DPP6: variants seen among roughly 807,000 people sequenced by gnomAD.
The protein encoded by DPP6 is A-type potassium channel modulatory protein DPP6.
DPP6 carries 69 observed loss-of-function variants against 122.6 expected under a neutral mutation model. The observed-to-expected ratio is 0.56, with a 90% CI of 0.46 to 0.69. The LOEUF (loss-of-function observed/expected upper bound fraction) is 0.69, where lower values mean the gene tolerates loss of function less well. Ranked by LOEUF, DPP6 falls within the 30% of genes least tolerant of loss-of-function variation. DPP6 has a pLI of 0.00. For missense variants in DPP6, 928 were observed against 1,116.9 expected (o/e 0.83, Z 2.41); for synonymous variants, 418 against 433.1 (o/e 0.97, Z 0.43).
chr7:154,479,967 T>G (rs962516793), intron 3 of DPP6, among the ~76,000 whole-genome samples: 1 of 152,106 alleles, frequency 6.6e-6, no homozygotes, highest in African/African-American at 2.4e-5. Flanking sequence ...CCCACTGTCC[T>G]GTCAACTGGC....
intron 3 of DPP6, among the ~76,000 whole-genome samples, chr7:154,537,805 G>A (rs1257617208): frequency 6.6e-6 from 1 of 151,612 alleles, no homozygotes; most frequent in Non-Finnish European, 1.5e-5. Flanking sequence ...AGGAGAGGAA[G>A]CAAAAGTCTT....
chr7:154,342,526 C>T (rs911754955), intron 1 of DPP6, among the ~76,000 whole-genome samples: 7 of 152,214 alleles, frequency 4.6e-5, no homozygotes, highest in South Asian at 2.1e-4. Flanking sequence ...CTGTAAGCCC[C>T]GGGGCAGTTT....
intron 7 of DPP6, among the ~76,000 whole-genome samples, chr7:154,681,475 A>G (rs890198727): frequency 6.6e-6 from 1 of 152,156 alleles, no homozygotes; most frequent in African/African-American, 2.4e-5. Flanking sequence ...ACCTTTTGAG[A>G]CCTTTGGATG....
At chr7:154,116,000 C>A (rs112769448) in intron 1 of DPP6, among the ~76,000 whole-genome samples, 1 of 151,412 alleles carries the variant, frequency 6.6e-6, no homozygotes, top group Non-Finnish European at 1.5e-5. Flanking sequence ...AATGTAAAAT[C>A]AAATATGTGT....
chr7:154,522,067 C>T (rs566439083), intron 3 of DPP6, among the ~76,000 whole-genome samples: 1 of 152,214 alleles, frequency 6.6e-6, no homozygotes, highest in African/African-American at 2.4e-5. Flanking sequence ...GGGTTCACGC[C>T]ACTCTCCTGT....
At chr7:154,497,504 G>A (rs1053716243) in intron 3 of DPP6, among the ~76,000 whole-genome samples, 1 of 151,962 alleles carries the variant, frequency 6.6e-6, no homozygotes, top group Non-Finnish European at 1.5e-5. Flanking sequence ...AGCTACTTGG[G>A]AGGTTGAGGC....
At chr7:154,340,632 C>A (rs1056205671) in intron 1 of DPP6, among the ~76,000 whole-genome samples, 1 of 152,164 alleles carries the variant, frequency 6.6e-6, no homozygotes, top group Non-Finnish European at 1.5e-5. Flanking sequence ...AAAAATACTT[C>A]CATTAATTTT....
Position 154,794,218 on chromosome 7 carries a change from G to T in DPP6, c.1260+16G>T. 3.1e-6 allele frequency: 5 copies of T among 1,594,416 alleles called. No individual in the cohort carries two copies. Among genetic ancestry groups the T allele is most frequent in the Non-Finnish European group, 4.3e-6 (5 of 1,168,250 alleles). Reference sequence around the variant, plus strand: ...CTGCACGAAGGTACGCGGGGCTGTGGGGGTGGAGGGGAGACGGGTGAAGAA... The same window carrying T: ...CTGCACGAAGGTACGCGGGGCTGTGTGGGTGGAGGGGAGACGGGTGAAGAA... On this transcript the variant is annotated intron_variant, in intron 11 of 25. Transcript: ENST00000377770.
At position 154,481,553 on chromosome 7, in the gene DPP6, A is replaced by G. The variant is rs1465079693; in HGVS notation, c.457+6516A>G. Among the ~76,000 whole-genome samples the G allele has an allele frequency of 6.8e-6, 1 of 146,346 alleles. No individual in the cohort carries two copies. Among genetic ancestry groups the G allele is most frequent in the Admixed American group, 6.9e-5 (1 of 14,398 alleles). ...CCCGACCCTCCATGTCTCAGACTCT[A>G]CATGATCTGTTTACTCTCCTGACTC... On this transcript the variant is annotated intron_variant, in intron 3 of 25. Transcript: ENST00000377770. This position sits in a 1 kb window ranked among gnomAD's most constrained non-coding sequence, Gnocchi z 4.2.
chr7:154,864,221 C>T (rs1416897442), intron 17 of DPP6, among the ~76,000 whole-genome samples: 1 of 152,170 alleles, frequency 6.6e-6, no homozygotes, highest in Non-Finnish European at 1.5e-5. Flanking sequence ...CTTTTAGATC[C>T]GTTGCCTATT....
intron 8 of DPP6, among the ~76,000 whole-genome samples, chr7:154,749,519 G>A (rs1356904049): frequency 3.3e-4 from 48 of 143,706 alleles, no homozygotes; most frequent in African/African-American, 1.2e-3. Context: ...CTGAGAGAGG[G>A]TGAGAGAGCA....
rs1796866661 is a variant in DPP6, at chr7:153,986,722, G to A, written c.51+98988G>A. Reference sequence around the variant, plus strand: ...CTTCTTGTTACAGGCATAGACAAATGTATACTAAAAATTACATGTATAATT... The same window carrying A: ...CTTCTTGTTACAGGCATAGACAAATATATACTAAAAATTACATGTATAATT... On this transcript the variant is annotated intron_variant, in intron 1 of 25. Coordinates refer to the DPP6 transcript ENST00000404039. 3.9e-5 allele frequency among the ~76,000 whole-genome samples: 6 copies of A among 152,212 alleles called. No individual in the cohort carries two copies. The South Asian group carries it at 1.2e-3, about 32-fold the overall frequency.
At chr7:153,836,060 T>C in the DPP6 span, among the ~76,000 whole-genome samples, 1 of 152,162 alleles carries the variant, frequency 6.6e-6, no homozygotes, top group Non-Finnish European at 1.5e-5. Context: ...TAAACATCAT[T>C]TAGTCTTCCT....
chr7:153,886,286 TG>T (rs1283081748), upstream of DPP6, among the ~76,000 whole-genome samples: 1 of 152,146 alleles, frequency 6.6e-6, no homozygotes, highest in Non-Finnish European at 1.5e-5. Context: ...CAACCGCGTT[TG>T]TGAATGGATG....
chr7:153,788,767 C>T, the DPP6 span, among the ~76,000 whole-genome samples: 1 of 152,066 alleles, frequency 6.6e-6, no homozygotes, highest in Non-Finnish European at 1.5e-5. Context: ...AGTTCGAGAC[C>T]AGCCTGACCA....
In DPP6 at chr7:154,119,152, T is replaced by G. The variant is rs568455128; in HGVS notation, c.243+66089T>G. 3.4e-3 allele frequency among the ~76,000 whole-genome samples: 518 copies of G among 152,272 alleles called. 7 individuals carry two copies. Among genetic ancestry groups the G allele is most frequent in the African/African-American group, 0.012 (486 of 41,550 alleles). On this transcript the variant is annotated intron_variant, in intron 1 of 25. Transcript: ENST00000377770. ...GATGTGGGAGTTTCTCAGAATCTCT[T>G]TCCCTATATACATATGGTTCCGAGC... is the stretch of plus-strand genomic sequence containing the variant.
At chr7:154,811,272 A>G (rs1799043342) in intron 16 of DPP6, among the ~76,000 whole-genome samples, 1 of 152,234 alleles carries the variant, frequency 6.6e-6, no homozygotes, top group Non-Finnish European at 1.5e-5. Context: ...GGAGCAGCCA[A>G]CTGTTTGAAC....
At chr7:154,226,447 T>A (rs372854616) in intron 1 of DPP6, among the ~76,000 whole-genome samples, 1 of 152,110 alleles carries the variant, frequency 6.6e-6, no homozygotes, top group East Asian at 1.9e-4. Context: ...CATCAGTAAA[T>A]AGGGGAGCAT....
chr7:154,613,782 A>G (rs1834059982), intron 5 of DPP6, among the ~76,000 whole-genome samples: 2 of 152,136 alleles, frequency 1.3e-5, no homozygotes, highest in Non-Finnish European at 2.9e-5. Flanking sequence ...TGAGCTTCTA[A>G]CTGATAATAA....
Sources: gnomAD v4.1 joint callset for allele counts (sites outside exome capture counted in the v4.1 genomes callset) on GRCh38, gnomAD v4.1.1 for gene constraint, Gnocchi (gnomAD v3.1) non-coding constraint, MANE v1.5 for transcripts, NCBI Gene and HGNC (gene_info 2026-07-23, HGNC 2026-07-21) for gene names.